The following NR4A1 variants were observed in gnomAD, a reference collection of about 807,000 sequenced individuals.
NR4A1 encodes nuclear receptor subfamily 4immunitygroup A member 1.
NR4A1 carries 24 observed loss-of-function variants against 47.5 expected under a neutral mutation model. The ratio of observed to expected loss-of-function variants is 0.50; its 90% CI spans 0.37 to 0.71. The LOEUF is 0.71. NR4A1 is among the 30% of genes least tolerant of loss of function. The pLI, the probability that NR4A1 is intolerant of heterozygous loss-of-function variation, is 0.00. For synonymous variants in NR4A1, 353 were observed against 345.7 expected (o/e 1.02, Z -0.24); for missense variants, 669 against 788.6 (o/e 0.85, Z 1.82).
intron 1 of NR4A1, among the ~76,000 whole-genome samples, chr12:52,025,673 G>A (rs4762044): frequency 0.041 from 6,279 of 152,290 alleles, 164 homozygotes; most frequent in South Asian, 0.11. Context: ...TCCCATAGAA[G>A]ACACCTCCAT....
intron 1 of NR4A1, among the ~76,000 whole-genome samples, chr12:52,041,292 A>T (rs942470123): frequency 6.6e-6 from 1 of 152,148 alleles, no homozygotes; most frequent in Non-Finnish European, 1.5e-5. Context: ...AATTTGCCCA[A>T]GGTGATAAGC....
At chr12:52,036,029 C>G (rs1804309805) in intron 1 of NR4A1, among the ~76,000 whole-genome samples, 1 of 152,148 alleles carries the variant, frequency 6.6e-6, no homozygotes, top group African/African-American at 2.4e-5. Context: ...TGGATCCTCC[C>G]TAATGGGTGT....
chr12:52,057,550 C>T lies in NR4A1; in HGVS notation c.1540+20C>T. 1 of 1,613,020 alleles carries T rather than the reference C, an allele frequency of 6.2e-7. No homozygotes were observed. The highest frequency in any genetic ancestry group is 8.5e-7 in the Non-Finnish European group (1 of 1,179,676). ...TCACCGGTGAGTGACCAGCACCACA[C>T]CAGGTCCAAGGGAATGGGCGTCAGG... is the stretch of plus-strand genomic sequence containing the variant. On this transcript the variant is annotated intron_variant, in intron 6 of 6. Coordinates refer to ENST00000394825, the MANE Select transcript of NR4A1 (RefSeq NM_173157.3).
chr12:52,040,055 G>C (rs1045264067), intron 1 of NR4A1, among the ~76,000 whole-genome samples: 21 of 152,194 alleles, frequency 1.4e-4, no homozygotes, highest in African/African-American at 5.1e-4. Flanking sequence ...CTCAGCCTTT[G>C]GTTTGCTCTC....
At chr12:52,027,700 C>G (rs984749639) in intron 1 of NR4A1, among the ~76,000 whole-genome samples, 4 of 152,240 alleles carry the variant, frequency 2.6e-5, no homozygotes, top group Non-Finnish European at 5.9e-5. Flanking sequence ...CATCCCCATG[C>G]CTCCTGTTTC....
chr12:52,028,031 G>A (rs1938034065), intron 1 of NR4A1, among the ~76,000 whole-genome samples: 1 of 151,762 alleles, frequency 6.6e-6, no homozygotes, highest in Non-Finnish European at 1.5e-5. Flanking sequence ...ATGAAATCCT[G>A]TCTCTACAAA....
At chr12:52,033,104 A>G (rs1468442144) in intron 1 of NR4A1, among the ~76,000 whole-genome samples, 1 of 152,190 alleles carries the variant, frequency 6.6e-6, no homozygotes, top group Non-Finnish European at 1.5e-5. Flanking sequence ...GGGTGAGGTA[A>G]TGGAATCCTG....
upstream of NR4A1, among the ~76,000 whole-genome samples, chr12:52,050,355 T>A (rs1477386095): frequency 6.6e-6 from 1 of 152,160 alleles, no homozygotes; most frequent in Non-Finnish European, 1.5e-5. Flanking sequence ...GGGGTATTGA[T>A]AAGAGGCGTG....
rs779180843 is a variant in NR4A1 at position 52,057,220 on chromosome 12, C to T, written c.1322C>T (p.Ser441Leu). 9.3e-6 allele frequency: 15 copies of T among 1,613,954 alleles called. No individual in the cohort carries two copies. The highest frequency in any genetic ancestry group is 1.7e-5 in the Admixed American group (1 of 60,024). The change falls in exon 5 of 7, where the codon TCG (serine) becomes TTG (leucine). Residue 441 changes from serine to leucine, a missense_variant. By Grantham distance (145) the Ser-to-Leu change is moderately radical (BLOSUM62 -2). Coordinates refer to ENST00000394825, the MANE Select transcript of NR4A1 (RefSeq NM_173157.3). ...GCTGACCAGGACCTGTTGCTGGAGT[C>T]GGCCTTCCTGGAGCTCTTCATCCTC... Reference protein sequence around the residue: ...SPADQDLLLESAFLELFILRL... With the variant: ...SPADQDLLLELAFLELFILRL...
chr12:52,056,813 C>A (rs1939296752), intron 4 of NR4A1, 168 bp downstream of exon 4: 2 of 896,684 alleles, frequency 2.2e-6, no homozygotes, highest in African/African-American at 1.7e-5. Flanking sequence ...AGAGAGGATC[C>A]CCCTCTCGGC....
chr12:52,044,973 A>AGAGG (rs1183363945), intron 2 of NR4A1, among the ~76,000 whole-genome samples: 1 of 146,358 alleles, frequency 6.8e-6, no homozygotes, highest in Non-Finnish European at 1.5e-5. Context: ...TTCTGGCCTG[A>AGAGG]GAGGGAGGGA....
rs1939424531 is a variant in NR4A1, at chr12:52,058,989, A to G, written c.*45A>G. The G allele has an allele frequency of 6.4e-7, 1 of 1,570,144 alleles. No homozygotes were observed. Among genetic ancestry groups the G allele is most frequent in the Non-Finnish European group, 8.7e-7 (1 of 1,152,010 alleles). On this transcript the variant is annotated 3_prime_UTR_variant, in exon 7 of 7. Coordinates refer to ENST00000394825, the MANE Select transcript of NR4A1 (RefSeq NM_173157.3). The stretch of plus-strand genomic sequence containing the variant: ...GTGCACATGCGCACTCTCATATGCC[A>G]CCCCATGTGCCTTTAGTCCACGGAC...
intron 2 of NR4A1, 154 bp from the exon 3 acceptor site, chr12:52,055,876 T>A: frequency 2.5e-5 from 9 of 353,778 alleles, no homozygotes; most frequent in South Asian, 5.0e-5. Context: ...ACCCCGTCTC[T>A]CCCTCCCTTG....
chr12:52,049,161 C>A (rs1938794785), upstream of NR4A1, among the ~76,000 whole-genome samples: 1 of 152,128 alleles, frequency 6.6e-6, no homozygotes, highest in Admixed American at 6.5e-5. Context: ...GCTCCAGGAC[C>A]CCAACTTGTA....
intron 1 of NR4A1, among the ~76,000 whole-genome samples, chr12:52,028,690 G>A (rs1938053554): frequency 6.6e-6 from 1 of 151,950 alleles, no homozygotes; most frequent in Admixed American, 6.6e-5. Context: ...TGGATTACGA[G>A]GTCAGGAGTT....
At chr12:52,051,040 G>A (rs530099265), upstream of NR4A1, among the ~76,000 whole-genome samples, 74 of 152,310 alleles carry the variant, frequency 4.9e-4, 1 homozygote, top group African/African-American at 1.8e-3. Context: ...CGTCTCTACA[G>A]CGCCCCTTCT....
At chr12:52,033,093 C>T (rs932027753) in intron 1 of NR4A1, among the ~76,000 whole-genome samples, 1 of 152,206 alleles carries the variant, frequency 6.6e-6, no homozygotes, top group South Asian at 2.1e-4. Context: ...TCTGCGCCGC[C>T]GGGTGAGGTA....
chr12:52,058,714 C>T lies in NR4A1; in HGVS notation c.1567C>T (p.Arg523Trp), dbSNP rs765894090. 6 of 1,606,502 alleles carry T rather than the reference C, an allele frequency of 3.7e-6. No individual in the cohort carries two copies. The highest frequency in any genetic ancestry group is 2.7e-5 in the African/African-American group (2 of 74,744). ...CCGGCATGGGCTGCAGGAGCCGCGG[C>T]GGGTGGAGGAGCTGCAGAACCGCAT... The part of the protein sequence containing the change: ...TDRHGLQEPR[R>W]VEELQNRIAS... Residue 523 changes from arginine to tryptophan, a missense_variant, in exon 7 of 7, where the codon CGG (arginine) becomes TGG (tryptophan). Transcript: ENST00000394825.
At chr12:52,043,961 T>G in intron 2 of NR4A1, 5 of 1,281,172 alleles carry the variant, frequency 3.9e-6, no homozygotes, top group African/African-American at 1.5e-5. Flanking sequence ...GCTGTTTGGA[T>G]TTTTTCCCAT....
Sources: allele counts gnomAD v4.1 joint callset (sites outside exome capture counted in the v4.1 genomes callset), GRCh38; gene constraint gnomAD v4.1.1; transcripts MANE v1.5; gene names NCBI Gene and HGNC (gene_info 2026-07-23, HGNC 2026-07-21).